The following SPRY3 variants were observed in gnomAD, a reference collection of about 807,000 sequenced individuals.
SPRY3 encodes the protein sprouty RTK signaling antagonist 3, also known as protein sprouty homolog 3.
A neutral mutation model predicts 20.2 loss-of-function variants in SPRY3; 15 were observed. The ratio of observed to expected loss-of-function variants is 0.74; its 90% CI spans 0.50 to 1.14. The LOEUF is 1.14. SPRY3 is among the 50% of genes most tolerant of loss of function. The probability of loss-of-function intolerance (pLI) is 0.00; values close to 1 mark genes in which losing one functional copy is unlikely to be tolerated. For synonymous variants in SPRY3, 143 were observed against 136.5 expected, an observed-to-expected ratio of 1.05 and a Z score of -0.33; for missense variants, 364 against 363.9, an observed-to-expected ratio of 1.00 and a Z score of 0.00.
chrX:155,768,287 A>T (rs996016098), intron 3 of SPRY3, among the ~76,000 whole-genome samples, 151 bp downstream of exon 2: 2 of 152,162 alleles, frequency 1.3e-5, no homozygotes, highest in African/African-American at 2.4e-5. Context: ...GATAAAATAA[A>T]ATGAAAACCC....
exon 4 of SPRY3, chrX:155,774,568 C>G: frequency 6.2e-7 from 1 of 1,614,006 alleles, no homozygotes; most frequent in Non-Finnish European, 8.5e-7. Flanking sequence ...CCTCTTCCTA[C>G]CCTGCCTGTG....
intron 2 of SPRY3, among the ~76,000 whole-genome samples, chrX:155,675,526 T>C (rs1485739104): frequency 1.8e-5 from 2 of 111,306 alleles, no homozygotes; most frequent in African/African-American, 6.5e-5. Flanking sequence ...AACATGATTT[T>C]CAGTGTCAGG....
At chrX:155,617,796 T>A (rs2067858911) in intron 1 of SPRY3, among the ~76,000 whole-genome samples, 1 of 111,884 alleles carries the variant, frequency 8.9e-6, no homozygotes, top group Non-Finnish European at 1.9e-5. Context: ...AACAAATAAG[T>A]CAATAAAATA....
chrX:155,650,466 T>A (rs1254988564), intron 1 of SPRY3, among the ~76,000 whole-genome samples: 1 of 112,004 alleles, frequency 8.9e-6, no homozygotes, highest in Non-Finnish European at 1.9e-5. Context: ...TTGAGCTCAA[T>A]AGAATTATAA....
At chrX:155,630,455 T>C (rs2067902380) in intron 1 of SPRY3, among the ~76,000 whole-genome samples, 1 of 111,852 alleles carries the variant, frequency 8.9e-6, no homozygotes, top group Non-Finnish European at 1.9e-5. Flanking sequence ...TGAGAAAGTC[T>C]TTATATTTCC....
intron 2 of SPRY3, among the ~76,000 whole-genome samples, chrX:155,733,260 C>A (rs1423940121): frequency 6.6e-6 from 1 of 150,482 alleles, no homozygotes; most frequent in African/African-American, 2.5e-5. Flanking sequence ...TCAAAATATA[C>A]CATATACCCT....
intron 2 of SPRY3, among the ~76,000 whole-genome samples, chrX:155,728,834 C>T (rs1385230031): frequency 1.3e-5 from 2 of 152,008 alleles, no homozygotes; most frequent in Admixed American, 1.3e-4. Context: ...AAACACTTCA[C>T]CTTCAAACAC....
chrX:155,709,357 G>A (rs28814596), intron 2 of SPRY3, among the ~76,000 whole-genome samples: 163 of 151,648 alleles, frequency 1.1e-3, no homozygotes, highest in African/African-American at 3.8e-3. Flanking sequence ...TTGGATATAA[G>A]CCATTTTAAG....
chrX:155,774,918 C>G (rs2091414242), exon 4 of SPRY3: 2 of 686,204 alleles, frequency 2.9e-6, no homozygotes, highest in Middle Eastern at 8.4e-4. Flanking sequence ...TGTTCTTTCT[C>G]ACAGTATCTA....
chrX:155,627,780 A>G (rs1378394311), intron 1 of SPRY3, among the ~76,000 whole-genome samples: 2 of 109,513 alleles, frequency 1.8e-5, no homozygotes, highest in Non-Finnish European at 3.8e-5. Flanking sequence ...ATTAAGCCCC[A>G]CATGTATTAT....
chrX:155,626,006 C>T (rs782730429), intron 1 of SPRY3, among the ~76,000 whole-genome samples: 2 of 110,881 alleles, frequency 1.8e-5, no homozygotes, highest in South Asian at 3.7e-4. Flanking sequence ...TGAGTAATTC[C>T]ACTATGAACA....
chrX:155,724,145 C>T (rs1477147380), intron 2 of SPRY3, among the ~76,000 whole-genome samples: 1 of 151,926 alleles, frequency 6.6e-6, no homozygotes, highest in African/African-American at 2.4e-5. Flanking sequence ...TTGGTCTATA[C>T]CTCTGTTTTG....
chrX:155,624,972 G>A (rs1367896374), intron 1 of SPRY3, among the ~76,000 whole-genome samples: 1 of 111,496 alleles, frequency 9.0e-6, no homozygotes, highest in African/African-American at 3.2e-5. Context: ...GTGATGCAAT[G>A]CAAAAATGAA....
chrX:155,756,027 A>C lies in SPRY3; in HGVS notation c.-281-11935A>C, dbSNP rs193070175. Among the ~76,000 whole-genome samples, 178 of 152,192 alleles carry C rather than the reference A, an allele frequency of 1.2e-3. 1 individual carries two copies. The highest frequency in any genetic ancestry group is 8.8e-3 in the Admixed American group (135 of 15,268). On this transcript the variant is annotated intron_variant, in intron 2 of 3. Coordinates refer to ENST00000675360, the Ensembl canonical transcript of SPRY3. The stretch of plus-strand genomic sequence containing the variant: ...AATACAGAGCTAAGAACTTTATTGA[A>C]GTTTAACAGAAAAGAAACCCTTGTT...
chrX:155,770,275 A>G (rs2091372907), intron 3 of SPRY3, among the ~76,000 whole-genome samples: 1 of 152,216 alleles, frequency 6.6e-6, no homozygotes, highest in Non-Finnish European at 1.5e-5. Context: ...GGCTTTAGAT[A>G]GGAAAGTTTT....
chrX:155,717,072 T>A (rs1445829277), intron 2 of SPRY3, among the ~76,000 whole-genome samples: 4 of 144,316 alleles, frequency 2.8e-5, no homozygotes, highest in African/African-American at 1.0e-4. Flanking sequence ...GGCAGGATAA[T>A]TGCTTGAACC....
At chrX:155,742,701 A>G (rs2091209318) in intron 2 of SPRY3, among the ~76,000 whole-genome samples, 1 of 152,168 alleles carries the variant, frequency 6.6e-6, no homozygotes, top group Admixed American at 6.5e-5. Context: ...TCACACAACC[A>G]CAAGGAAATT....
intron 2 of SPRY3, among the ~76,000 whole-genome samples, chrX:155,741,918 T>A (rs971165952): frequency 1.8e-4 from 28 of 152,302 alleles, no homozygotes; most frequent in African/African-American, 6.3e-4. Context: ...CCAGTGACAC[T>A]ATGAAGCAAC....
chrX:155,708,536 T>G (rs936240452), intron 2 of SPRY3, among the ~76,000 whole-genome samples: 31 of 151,458 alleles, frequency 2.0e-4, no homozygotes, highest in African/African-American at 7.5e-4. Flanking sequence ...TTCTTTGACG[T>G]GTAGATTAAT....
Sources: allele counts gnomAD v4.1 joint callset (sites outside exome capture counted in the v4.1 genomes callset), GRCh38; gene constraint gnomAD v4.1.1; transcripts MANE v1.5; gene names NCBI Gene and HGNC (gene_info 2026-07-23, HGNC 2026-07-21).